The following FREM1 variants were observed in gnomAD, a reference collection of about 807,000 sequenced individuals.
FREM1 encodes FRAS1 related extracellular matrix 1.
A neutral mutation model predicts 210.1 loss-of-function variants in FREM1; 220 were observed. The ratio of observed to expected loss-of-function variants is 1.05; its 90% CI spans 0.94 to 1.17. The LOEUF (loss-of-function observed/expected upper bound fraction) is 1.17, where lower values mean the gene tolerates loss of function less well. FREM1 is among the 50% of genes most tolerant of loss of function. The pLI is 0.00. For synonymous variants in FREM1, 1,189 were observed against 980.2 expected (o/e 1.21, Z -3.98); for missense variants, 3,454 against 2,675.5 (o/e 1.29, Z -6.42).
chr9:14,781,605 C>T (rs1587935184), intron 24 of FREM1, among the ~76,000 whole-genome samples: 1 of 152,012 alleles, frequency 6.6e-6, no homozygotes, highest in Non-Finnish European at 1.5e-5. Flanking sequence ...GTATCAACAC[C>T]CACACACACT....
intron 1 of FREM1, among the ~76,000 whole-genome samples, chr9:14,880,522 T>C (rs1162404942): frequency 6.6e-6 from 1 of 150,656 alleles, no homozygotes; most frequent in African/African-American, 2.4e-5. Flanking sequence ...GAGAATCACT[T>C]GAACCCGGGA....
At chr9:14,770,956 T>C (rs1460430169) in intron 25 of FREM1, 150 bp from the exon 26 acceptor site, 1 of 617,626 alleles carries the variant, frequency 1.6e-6, no homozygotes, top group Non-Finnish European at 2.9e-6. Flanking sequence ...GACAGTCCTG[T>C]TCACAACAGC....
intron 28 of FREM1, among the ~76,000 whole-genome samples, chr9:14,757,554 C>CA (rs1446894226): frequency 1.1e-4 from 16 of 150,434 alleles, no homozygotes; most frequent in African/African-American, 2.7e-4. Flanking sequence ...GATTCCATCT[C>CA]AAAAAACAAA....
intron 35 of FREM1, among the ~76,000 whole-genome samples, chr9:14,743,094 A>G (rs111259909): frequency 0.011 from 1,667 of 152,260 alleles, 37 homozygotes; most frequent in African/African-American, 0.038. Flanking sequence ...GTAAGACATT[A>G]TTGACAAGGA....
chr9:14,859,381 G>T lies in FREM1; in HGVS notation c.433C>A (p.Pro145Thr). The T allele has an allele frequency of 6.2e-7, 1 of 1,613,854 alleles. No individual in the cohort carries two copies. The highest frequency in any genetic ancestry group is 8.5e-7 in the Non-Finnish European group (1 of 1,179,818). ...GCTTGGGACAAGCCATTGAATTCAG[G>T]CACCTCCAGCACATTGTTACTCATA... is the stretch of plus-strand genomic sequence containing the variant. ...IHMSNNVLEV[P>T]EFNGLSQAID... The change falls in exon 4 of 37, where the codon CCT becomes ACT. Residue 145 changes from proline (P) to threonine (T), a missense_variant. Physicochemically the swap from Pro to Thr is conservative, Grantham distance 38. Transcript: ENST00000380880.
chr9:14,747,767 T>C lies in FREM1; in HGVS notation c.5797-39A>G, dbSNP rs369579969. 36 of 1,318,360 alleles carry C rather than the reference T, an allele frequency of 2.7e-5. No homozygotes were observed. In the South Asian group the frequency reaches 3.5e-4, roughly 13 times the overall value. The allele number at this position is 1,318,360 out of a possible 1,614,324, so 81.7% of individuals were successfully genotyped here. On this transcript the variant is annotated intron_variant, in intron 31 of 36. Coordinates refer to ENST00000380880, the MANE Select transcript of FREM1 (RefSeq NM_001379081.2). ...AGAACAAAATATGAACAGAATTGGA[T>C]TGACTAATAACTAGCAATAGGGTAA...
intron 3 of FREM1, among the ~76,000 whole-genome samples, chr9:14,862,480 C>T (rs964507445): frequency 7.2e-5 from 11 of 152,162 alleles, no homozygotes; most frequent in African/African-American, 2.7e-4. Context: ...TAATCGTGAG[C>T]TTAAATTTAA....
At chr9:14,753,563 G>A (rs1051482373) in intron 29 of FREM1, among the ~76,000 whole-genome samples, 2 of 152,168 alleles carry the variant, frequency 1.3e-5, no homozygotes, top group African/African-American at 4.8e-5. Flanking sequence ...CTTCCTTCCA[G>A]CTCCCACGTA....
Position 14,769,752 on chromosome 9 carries a change from G to A in FREM1, c.5176C>T (p.Pro1726Ser). ...TGAGGAGTGGCCGAGTTCCCTGTGGGGTCCATGATTTGAAATTCCACGGTA... is the reference window on the plus strand; with the variant it reads ...TGAGGAGTGGCCGAGTTCCCTGTGGAGTCCATGATTTGAAATTCCACGGTA... ...SDTVEFQIMDPTGNSATPQIL... is the reference protein window; with the variant it reads ...SDTVEFQIMDSTGNSATPQIL... Residue 1726 changes from proline to serine, a missense_variant, in exon 27 of 37, where the codon CCC (proline) becomes TCC (serine). By Grantham distance (74) the Pro-to-Ser change is moderately conservative. Transcript: ENST00000380880. 1 of 1,612,072 alleles carries A rather than the reference G, an allele frequency of 6.2e-7. No homozygotes were observed. The highest frequency in any genetic ancestry group is 8.5e-7 in the Non-Finnish European group (1 of 1,178,726).
intron 24 of FREM1, among the ~76,000 whole-genome samples, chr9:14,784,099 C>G (rs1290494642): frequency 6.6e-6 from 1 of 152,150 alleles, no homozygotes; most frequent in East Asian, 1.9e-4. Context: ...TTGCTTCTGT[C>G]ATTTTAATCG....
chr9:14,753,646 TGCC>T (rs1843764445), intron 29 of FREM1, among the ~76,000 whole-genome samples: 2 of 152,294 alleles, frequency 1.3e-5, no homozygotes, highest in African/African-American at 4.8e-5. Context: ...TCATGGAAGC[TGCC>T]GTTTTAAAAG....
chr9:14,819,702 C>A (rs1242425673), intron 13 of FREM1, among the ~76,000 whole-genome samples: 1 of 152,172 alleles, frequency 6.6e-6, no homozygotes, highest in African/African-American at 2.4e-5. Flanking sequence ...TCATTTATTG[C>A]ATAGCCTGTA....
intron 17 of FREM1, among the ~76,000 whole-genome samples, chr9:14,807,439 T>A (rs544224913): frequency 6.6e-6 from 1 of 152,172 alleles, no homozygotes; most frequent in Non-Finnish European, 1.5e-5. Context: ...CTTATATTTT[T>A]TTCTGAGAGA....
intron 1 of FREM1, among the ~76,000 whole-genome samples, chr9:14,901,145 C>T (rs1363999650): frequency 6.6e-6 from 1 of 152,074 alleles, no homozygotes. Context: ...TGTTTTAAGA[C>T]AAGGTAGAAG....
At chr9:14,830,869 G>A (rs978561131) in intron 10 of FREM1, among the ~76,000 whole-genome samples, 3 of 152,224 alleles carry the variant, frequency 2.0e-5, no homozygotes, top group African/African-American at 7.2e-5. Flanking sequence ...TCAGAGTGGC[G>A]ACTGTGGGAG....
intron 27 of FREM1, among the ~76,000 whole-genome samples, chr9:14,761,062 T>C (rs1370822805): frequency 1.3e-5 from 2 of 152,220 alleles, no homozygotes; most frequent in Non-Finnish European, 1.5e-5. Flanking sequence ...AGTTTATTTA[T>C]TATAATTTCT....
chr9:14,852,012 A>G (rs1443687482), intron 5 of FREM1, among the ~76,000 whole-genome samples: 2 of 152,216 alleles, frequency 1.3e-5, no homozygotes, highest in Non-Finnish European at 2.9e-5. Context: ...AAATGAAAAT[A>G]TTAATACTAG....
Position 14,797,564 on chromosome 9 carries a change from T to A in FREM1, c.3773A>T (p.His1258Leu). 1.9e-6 allele frequency: 3 copies of A among 1,613,178 alleles called. No homozygotes were observed. Among genetic ancestry groups the A allele is most frequent in the Non-Finnish European group, 1.7e-6 (2 of 1,179,184 alleles). The change falls in exon 21 of 37, where the codon CAT (histidine) becomes CTT (leucine). Residue 1258 changes from histidine to leucine, a missense_variant. Coordinates refer to ENST00000380880, the MANE Select transcript of FREM1 (RefSeq NM_001379081.2). ...TACTGAAATGGTTTTAAGTATCTTA[T>A]GTTTCCCATCTGACAATTGGATTGT... ...DFTIQLSDGKHKILKTISVEV... is the reference protein window; with the variant it reads ...DFTIQLSDGKLKILKTISVEV...
At chr9:14,907,682 G>C (rs1818016107) in intron 1 of FREM1, among the ~76,000 whole-genome samples, 1 of 152,196 alleles carries the variant, frequency 6.6e-6, no homozygotes, top group Non-Finnish European at 1.5e-5. Context: ...TGTGGTCATG[G>C]TGCTTTGTGA....
Sources: allele counts gnomAD v4.1 joint callset (sites outside exome capture counted in the v4.1 genomes callset), GRCh38; gene constraint gnomAD v4.1.1; transcripts MANE v1.5; gene names NCBI Gene and HGNC (gene_info 2026-07-23, HGNC 2026-07-21).